SHISA9: variants seen among roughly 807,000 people sequenced by gnomAD.
The protein encoded by SHISA9 is shisa family member 9, also known as protein shisa-9.
SHISA9 carries 13 observed loss-of-function variants against 38.0 expected under a neutral mutation model. That is an observed-to-expected ratio of 0.34 (90% CI 0.22 to 0.54). The LOEUF is 0.54. Among genes scored for constraint, SHISA9 ranks in the 20% least tolerant of loss-of-function variants. The probability of loss-of-function intolerance (pLI) is 0.91; values close to 1 mark genes in which losing one functional copy is unlikely to be tolerated. For missense variants in SHISA9, 538 were observed against 575.8 expected (o/e 0.93, Z 0.67); for synonymous variants, 275 against 242.0 (o/e 1.14, Z -1.27).
intron 2 of SHISA9, among the ~76,000 whole-genome samples, chr16:13,034,850 C>A (rs1298881748): frequency 6.6e-6 from 1 of 152,286 alleles, no homozygotes; most frequent in East Asian, 1.9e-4. Flanking sequence ...CAGGTCATTC[C>A]CTTCTCCCAT....
chr16:13,168,688 C>T (rs11860258), intron 2 of SHISA9, among the ~76,000 whole-genome samples: 1 of 152,208 alleles, frequency 6.6e-6, no homozygotes, highest in African/African-American at 2.4e-5. Context: ...TGCTCTGGAT[C>T]TCATCAGCAC....
At chr16:13,523,865 G>A in the SHISA9 span, among the ~76,000 whole-genome samples, 9 of 152,156 alleles carry the variant, frequency 5.9e-5, no homozygotes, top group Admixed American at 5.9e-4. Flanking sequence ...GATGGCGAAC[G>A]ATTTCCATGG....
intron 2 of SHISA9, among the ~76,000 whole-genome samples, chr16:12,990,991 T>C (rs1294529228): frequency 5.9e-5 from 9 of 152,260 alleles, no homozygotes; most frequent in Non-Finnish European, 1.2e-4. Flanking sequence ...AGAAATATTA[T>C]TCTTCCAACA....
chr16:13,193,259 C>A (rs890448038), intron 2 of SHISA9, among the ~76,000 whole-genome samples: 1 of 152,196 alleles, frequency 6.6e-6, no homozygotes, highest in African/African-American at 2.4e-5. Flanking sequence ...CCTCTCTGAG[C>A]TTTGGTTTCC....
rs534455074 is a variant in SHISA9, at chr16:12,922,346, A to G, written c.691+5531A>G. Among the ~76,000 whole-genome samples, 3 of 152,366 alleles carry G rather than the reference A, an allele frequency of 2.0e-5. No individual in the cohort carries two copies. In the South Asian group the frequency reaches 6.2e-4, roughly 32 times the overall value. ...ATCAACCCTCAAAGAGCCAGGCTCT[A>G]TTCTGCCCCAGGGGCTTTGCACCTG... On this transcript the variant is annotated intron_variant, in intron 2 of 4. Coordinates refer to ENST00000558583, the MANE Select transcript of SHISA9 (RefSeq NM_001145204.3).
chr16:13,403,081 G>T, the SHISA9 span, among the ~76,000 whole-genome samples: 8 of 151,716 alleles, frequency 5.3e-5, no homozygotes, highest in Non-Finnish European at 1.5e-5. Flanking sequence ...TCCAGCCTGG[G>T]GGACAGAGTG....
At chr16:12,976,157 G>T (rs1051826246) in intron 2 of SHISA9, among the ~76,000 whole-genome samples, 10 of 151,882 alleles carry the variant, frequency 6.6e-5, no homozygotes, top group African/African-American at 2.4e-4. Context: ...GCGTGATCCC[G>T]GCTCACTGTA....
the SHISA9 span, among the ~76,000 whole-genome samples, chr16:13,276,616 G>A: frequency 6.6e-6 from 1 of 151,998 alleles, no homozygotes; most frequent in African/African-American, 2.4e-5. Flanking sequence ...ATTCTTGCAG[G>A]AGTAAGGTTG....
chr16:13,455,514 G>A, the SHISA9 span, among the ~76,000 whole-genome samples: 1 of 152,170 alleles, frequency 6.6e-6, no homozygotes, highest in Non-Finnish European at 1.5e-5. Flanking sequence ...GAGTAAAAGT[G>A]CTCATTGTCA....
intron 2 of SHISA9, among the ~76,000 whole-genome samples, chr16:13,149,794 G>A (rs1249296030): frequency 6.6e-6 from 1 of 151,424 alleles, no homozygotes; most frequent in African/African-American, 2.4e-5. Flanking sequence ...TTGTGGTGGT[G>A]GGTGCCGGCA....
intron 2 of SHISA9, among the ~76,000 whole-genome samples, chr16:13,097,857 A>G (rs1281532171): frequency 6.6e-6 from 1 of 152,238 alleles, no homozygotes; most frequent in Non-Finnish European, 1.5e-5. Context: ...CTACTTCACC[A>G]GGTTGTCCTG....
chr16:13,037,109 GAC>G (rs1207707042), intron 2 of SHISA9, among the ~76,000 whole-genome samples: 24,054 of 104,786 alleles, frequency 0.23, 2,270 homozygotes, highest in Middle Eastern at 0.27. Context: ...CACACACACA[GAC>G]ACACACACAC....
chr16:13,547,857 G>GA, the SHISA9 span, among the ~76,000 whole-genome samples: 56,549 of 151,460 alleles, frequency 0.37, 11,171 homozygotes, highest in East Asian at 0.63. Context: ...CACAGAAATA[G>GA]AAAAAAAACA....
In SHISA9 at chr16:13,074,763, C is replaced by G. The variant is rs185328573; in HGVS notation, c.692-128631C>G. Among the ~76,000 whole-genome samples the G allele has an allele frequency of 1.8e-4, 27 of 150,698 alleles. No homozygotes were observed. In the East Asian group the frequency reaches 4.3e-3, roughly 24 times the overall value. ...CACTGCAACCTCTGCCTCCCAGGTT[C>G]GATAGATTCTCCTGCCTCAGCCTCC... On this transcript the variant is annotated intron_variant, in intron 2 of 4. Transcript: ENST00000558583.
At chr16:13,040,565 A>T (rs1210480796) in intron 2 of SHISA9, among the ~76,000 whole-genome samples, 3 of 152,144 alleles carry the variant, frequency 2.0e-5, no homozygotes, top group Non-Finnish European at 4.4e-5. Context: ...GCATGTTTTC[A>T]TGTTTATGGC....
At chr16:13,458,678 G>T in the SHISA9 span, 1 of 286,660 alleles carries the variant, frequency 3.5e-6, no homozygotes, top group South Asian at 3.5e-5. Context: ...GAATAACCTT[G>T]ATTAGATCTT....
the SHISA9 span, among the ~76,000 whole-genome samples, chr16:13,252,231 T>A: frequency 6.6e-6 from 1 of 152,188 alleles, no homozygotes; most frequent in African/African-American, 2.4e-5. Context: ...CTCCTTGCTG[T>A]TCCTCAAATG....
intron 2 of SHISA9, among the ~76,000 whole-genome samples, chr16:12,975,348 C>CA (rs976295466): frequency 3.3e-5 from 5 of 151,706 alleles, no homozygotes; most frequent in Non-Finnish European, 5.9e-5. Flanking sequence ...ACCAAAAATA[C>CA]AAAAAAATAG....
intron 2 of SHISA9, among the ~76,000 whole-genome samples, chr16:13,143,923 T>C (rs1376942745): frequency 6.6e-6 from 1 of 152,172 alleles, no homozygotes; most frequent in African/African-American, 2.4e-5. Context: ...TTAGGACTTA[T>C]TTTATCCCCC....
Sources: allele counts gnomAD v4.1 joint callset (sites outside exome capture counted in the v4.1 genomes callset), GRCh38; gene constraint gnomAD v4.1.1; transcripts MANE v1.5; gene names NCBI Gene and HGNC (gene_info 2026-07-23, HGNC 2026-07-21).